The following PCDHA7 variants were observed in gnomAD, a reference collection of about 807,000 sequenced individuals.
The protein encoded by PCDHA7 is protocadherin alpha-7.
In PCDHA7, 37 loss-of-function variants were observed where a neutral mutation model predicts 57.2. The observed-to-expected ratio is 0.65, with a 90% CI of 0.50 to 0.85. The LOEUF (loss-of-function observed/expected upper bound fraction) is 0.85. Ranked by LOEUF, PCDHA7 falls within the 40% of genes least tolerant of loss-of-function variation. The probability of loss-of-function intolerance (pLI) is 0.00; values close to 1 mark genes in which losing one functional copy is unlikely to be tolerated. For synonymous variants in PCDHA7, 553 were observed against 558.8 expected (o/e 0.99, Z 0.15); for missense variants, 1,188 against 1,241.8 (o/e 0.96, Z 0.65).
intron 1 of PCDHA7, chr5:140,857,521 CTCTCT>C: frequency 6.3e-7 from 1 of 1,598,106 alleles, no homozygotes; most frequent in Non-Finnish European, 8.6e-7. Flanking sequence ...TGGTGTCCTA[CTCTCT>C]GGTGGAGCGG....
At chr5:140,998,274 T>C (rs2097804171) in intron 3 of PCDHA7, among the ~76,000 whole-genome samples, 1 of 152,162 alleles carries the variant, frequency 6.6e-6, no homozygotes, top group African/African-American at 2.4e-5. Flanking sequence ...CTGACACCCA[T>C]AGGATTAAAT....
chr5:140,987,225 A>AT (rs1451600480), intron 3 of PCDHA7, among the ~76,000 whole-genome samples: 11 of 143,044 alleles, frequency 7.7e-5, no homozygotes, highest in Non-Finnish European at 1.0e-4. Context: ...AAAAAAAAAA[A>AT]AATAATAAAT....
chr5:141,010,232 A>C lies in PCDHA7; in HGVS notation c.*295A>C. The C allele has an allele frequency of 1.3e-6, 2 of 1,551,952 alleles. No individual in the cohort carries two copies. The highest frequency in any genetic ancestry group is 1.7e-6 in the Non-Finnish European group (2 of 1,147,050). The stretch of plus-strand genomic sequence containing the variant: ...AAAGGAGAGGCTTCCCAGCCCCGCC[A>C]GTGAGAGGTTGGACTCTCTGCCCTG... On this transcript the variant is annotated 3_prime_UTR_variant, in exon 4 of 4. Coordinates refer to ENST00000525929, the MANE Select transcript of PCDHA7 (RefSeq NM_018910.3).
At chr5:140,864,520 C>T (rs1354044181) in intron 1 of PCDHA7, 1 of 152,154 alleles carries the variant, frequency 6.6e-6, no homozygotes, top group Admixed American at 6.5e-5. Context: ...GGTGATTTTA[C>T]TTCTTAATTT....
chr5:140,857,527 G>T (rs147361555), intron 1 of PCDHA7: 13 of 1,597,684 alleles, frequency 8.1e-6, no homozygotes, highest in Non-Finnish European at 1.1e-5. Flanking sequence ...CCTACTCTCT[G>T]GTGGAGCGGC....
chr5:140,841,387 A>T, intron 1 of PCDHA7: 1 of 1,613,470 alleles, frequency 6.2e-7, no homozygotes. Flanking sequence ...TGCTCCTCGC[A>T]GCCTGGAAGG....
intron 1 of PCDHA7, among the ~76,000 whole-genome samples, chr5:140,916,342 T>C (rs1365738177): frequency 2.0e-5 from 3 of 152,122 alleles, no homozygotes; most frequent in Admixed American, 6.5e-5. Context: ...TTCCTCTGTT[T>C]CTGTCAAACA....
intron 1 of PCDHA7, among the ~76,000 whole-genome samples, chr5:140,941,032 T>C (rs1321810263): frequency 6.6e-6 from 1 of 152,222 alleles, no homozygotes; most frequent in Non-Finnish European, 1.5e-5. Flanking sequence ...CTGGCCTTTT[T>C]GGTGCCAAGT....
chr5:140,992,017 C>CTGTG (rs10602499), intron 3 of PCDHA7, among the ~76,000 whole-genome samples: 5,022 of 145,578 alleles, frequency 0.034, 175 homozygotes, highest in African/African-American at 0.093. Context: ...AGAGGTGGCT[C>CTGTG]TGTGTGTGTG....
At chr5:140,927,306 G>A (rs782091835) in intron 1 of PCDHA7, 1 of 1,614,158 alleles carries the variant, frequency 6.2e-7, no homozygotes, top group Admixed American at 1.7e-5. Flanking sequence ...AGTTCCTGAC[G>A]CCCGGAGCCC....
intron 1 of PCDHA7, among the ~76,000 whole-genome samples, chr5:140,898,083 A>G (rs2066516404): frequency 6.6e-6 from 1 of 151,810 alleles, no homozygotes; most frequent in South Asian, 2.1e-4. Context: ...TAGATTCTGG[A>G]TATTAGCCCT....
Position 140,836,616 on chromosome 5 carries a change from G to A in PCDHA7, c.2233G>A (p.Val745Met). 3.1e-6 allele frequency: 5 copies of A among 1,613,694 alleles called. No individual in the cohort carries two copies. The highest frequency in any genetic ancestry group is 4.2e-6 in the Non-Finnish European group (5 of 1,179,788). ...VKPTLVCSSA[V>M]GSWSFSQQRR... is the part of the protein sequence containing the mutation. Reference sequence around the variant, plus strand: ...GCCCACTCTGGTGTGCTCCAGCGCGGTGGGGAGCTGGTCATTCTCCCAGCA... The same window carrying A: ...GCCCACTCTGGTGTGCTCCAGCGCGATGGGGAGCTGGTCATTCTCCCAGCA... Residue 745 changes from valine (V) to methionine (M), a missense_variant, in exon 1 of 4, where the codon GTG becomes ATG. Val to Met is a conservative substitution (Grantham distance 21). This residue lies in a region of PCDHA7 where 892 missense variants were observed against 788.5 expected (regional missense o/e 1.13). Coordinates refer to ENST00000525929, the MANE Select transcript of PCDHA7 (RefSeq NM_018910.3).
intron 1 of PCDHA7, among the ~76,000 whole-genome samples, chr5:140,970,929 G>A (rs537614286): frequency 1.4e-4 from 22 of 152,192 alleles, no homozygotes; most frequent in Non-Finnish European, 2.9e-4. Flanking sequence ...AGTGCCTGGT[G>A]TTAGTCAATG....
intron 1 of PCDHA7, among the ~76,000 whole-genome samples, chr5:140,909,000 G>C (rs569548757): frequency 9.8e-5 from 15 of 152,296 alleles, no homozygotes; most frequent in Non-Finnish European, 1.8e-4. Flanking sequence ...AAATTTTACT[G>C]AGGTAGAAGG....
intron 1 of PCDHA7, chr5:140,870,246 C>T (rs782184125): frequency 1.9e-6 from 3 of 1,614,168 alleles, no homozygotes; most frequent in South Asian, 2.2e-5. Flanking sequence ...CAGGTGTCAA[C>T]GGACAGGTGA....
intron 1 of PCDHA7, among the ~76,000 whole-genome samples, chr5:140,839,564 A>G (rs1022295415): frequency 3.3e-5 from 5 of 151,854 alleles, no homozygotes; most frequent in African/African-American, 9.7e-5. Flanking sequence ...TAATTTTTGT[A>G]TTTTTTGTAG....
intron 1 of PCDHA7, among the ~76,000 whole-genome samples, chr5:140,891,797 C>A (rs2063254101): frequency 6.6e-6 from 1 of 152,136 alleles, no homozygotes; most frequent in Non-Finnish European, 1.5e-5. Context: ...TATGAGGGAT[C>A]TGCCCTCATG....
chr5:140,905,843 T>C (rs1554192236), intron 1 of PCDHA7, among the ~76,000 whole-genome samples: 1 of 152,126 alleles, frequency 6.6e-6, no homozygotes, highest in South Asian at 2.1e-4. Flanking sequence ...GGGAGTTTAT[T>C]AAGGAGTATT....
At chr5:140,890,822 A>G (rs1044008204) in intron 1 of PCDHA7, among the ~76,000 whole-genome samples, 1 of 152,186 alleles carries the variant, frequency 6.6e-6, no homozygotes, top group Non-Finnish European at 1.5e-5. Context: ...TTTTAAATGT[A>G]CTTACATATT....
Sources: allele counts gnomAD v4.1 joint callset (sites outside exome capture counted in the v4.1 genomes callset), GRCh38; gene constraint gnomAD v4.1.1; regional missense constraint gnomAD v4.1.1; transcripts MANE v1.5; gene names NCBI Gene and HGNC (gene_info 2026-07-23, HGNC 2026-07-21).